The following BNC2 variants were observed in gnomAD, a reference collection of about 807,000 sequenced individuals.
BNC2 encodes the protein zinc finger protein basonuclin-2.
BNC2 carries 20 observed loss-of-function variants against 76.3 expected under a neutral mutation model. The observed-to-expected ratio is 0.26, with a 90% CI of 0.18 to 0.38. The LOEUF is 0.38. BNC2 is among the 10% of genes least tolerant of loss of function. The probability of loss-of-function intolerance (pLI) is 1.00; values close to 1 mark genes in which losing one functional copy is unlikely to be tolerated. For synonymous variants in BNC2, 582 were observed against 514.8 expected, an observed-to-expected ratio of 1.13 and a Z score of -1.77; for missense variants, 1,382 against 1,399.8, an observed-to-expected ratio of 0.99 and a Z score of 0.20.
chr9:16,419,240 C>T lies in BNC2; in HGVS notation c.3049G>A (p.Ala1017Thr). Residue 1017 changes from alanine (A) to threonine (T), a missense_variant, in exon 7 of 7, where the codon GCT (alanine) becomes ACT (threonine). Physicochemically the swap from Ala to Thr is moderately conservative, Grantham distance 58 (BLOSUM62 0). Coordinates refer to ENST00000380672, the MANE Select transcript of BNC2 (RefSeq NM_017637.6). ...AACATAAGAGATCCTGAAACTTCAG[C>T]CCCTAGGCTGCCAGGGAGGGCAGGG... ...EAPALPGSLG[A>T]EVSGSLMFSS... is the part of the protein sequence containing the mutation. 1.2e-6 allele frequency: 2 copies of T among 1,614,234 alleles called. No homozygotes were observed. The highest frequency in any genetic ancestry group is 1.7e-6 in the Non-Finnish European group (2 of 1,180,056).
chr9:16,853,319 C>T (rs1449380357), intron 1 of BNC2, among the ~76,000 whole-genome samples: 1 of 150,692 alleles, frequency 6.6e-6, no homozygotes, highest in East Asian at 2.0e-4. Context: ...GGTGGAGGAT[C>T]ACCTGAGCCC....
intron 1 of BNC2, among the ~76,000 whole-genome samples, chr9:16,759,359 G>A (rs10962570): frequency 0.46 from 69,215 of 152,024 alleles, 21,145 homozygotes; most frequent in Non-Finnish European, 0.68. Flanking sequence ...TATTAGAGAG[G>A]ACTTTAATGG....
At chr9:16,750,112 T>G (rs73646209) in intron 1 of BNC2, among the ~76,000 whole-genome samples, 7,135 of 152,204 alleles carry the variant, frequency 0.047, 566 homozygotes, top group African/African-American at 0.16. Context: ...AAATTAACAA[T>G]TTAGAGTTTT....
At chr9:16,714,138 C>T (rs908187975) in intron 3 of BNC2, among the ~76,000 whole-genome samples, 1 of 152,138 alleles carries the variant, frequency 6.6e-6, no homozygotes, top group African/African-American at 2.4e-5. Context: ...AAAATGTCTG[C>T]CACCCACTTC....
intron 5 of BNC2, among the ~76,000 whole-genome samples, chr9:16,516,460 T>G (rs951610884): frequency 3.3e-5 from 5 of 152,108 alleles, no homozygotes; most frequent in African/African-American, 1.2e-4. Context: ...CATGAGACCT[T>G]CTATACCAAC....
At chr9:16,527,273 G>C (rs1044010584) in intron 5 of BNC2, among the ~76,000 whole-genome samples, 1 of 152,258 alleles carries the variant, frequency 6.6e-6, no homozygotes, top group Middle Eastern at 3.4e-3. Flanking sequence ...AACATCAGAG[G>C]ATGATGATGA....
At chr9:16,770,878 G>C (rs1825815483) in intron 1 of BNC2, among the ~76,000 whole-genome samples, 1 of 151,868 alleles carries the variant, frequency 6.6e-6, no homozygotes, top group South Asian at 2.1e-4. Context: ...GTCACAAAAA[G>C]AAAAGAAAAG....
At chr9:16,835,413 A>G (rs2136052330) in intron 1 of BNC2, among the ~76,000 whole-genome samples, 1 of 152,316 alleles carries the variant, frequency 6.6e-6, no homozygotes, top group African/African-American at 2.4e-5. Flanking sequence ...AAAATTGTGT[A>G]CTTGGCCAGG....
chr9:16,758,781 T>A (rs930659498), intron 1 of BNC2, among the ~76,000 whole-genome samples: 1 of 152,336 alleles, frequency 6.6e-6, no homozygotes, highest in South Asian at 2.1e-4. Context: ...AATTATCTGG[T>A]ATTTAAAAAT....
intron 3 of BNC2, among the ~76,000 whole-genome samples, chr9:16,698,635 G>A (rs1260610349): frequency 6.6e-6 from 1 of 151,976 alleles, no homozygotes; most frequent in East Asian, 1.9e-4. Flanking sequence ...CAGAGGTTGC[G>A]GTGAGCCAAG....
intron 3 of BNC2, among the ~76,000 whole-genome samples, chr9:16,604,615 G>C (rs1172028035): frequency 1.3e-5 from 2 of 152,022 alleles, no homozygotes; most frequent in Non-Finnish European, 2.9e-5. Flanking sequence ...TGGCCAACAT[G>C]GCAAAACCGC....
chr9:16,460,429 C>A (rs937108109), intron 5 of BNC2, among the ~76,000 whole-genome samples: 4 of 152,084 alleles, frequency 2.6e-5, no homozygotes, highest in Non-Finnish European at 5.9e-5. Flanking sequence ...TCGAGACCAG[C>A]CTGGCCAACA....
intron 3 of BNC2, among the ~76,000 whole-genome samples, chr9:16,662,776 GA>G (rs1490998395): frequency 1.3e-5 from 2 of 152,040 alleles, no homozygotes; most frequent in Non-Finnish European, 2.9e-5. Context: ...ACCTAAAACA[GA>G]AAAAGGAATG....
chr9:16,726,083 T>C (rs1563916439), intron 3 of BNC2, among the ~76,000 whole-genome samples: 1 of 152,028 alleles, frequency 6.6e-6, no homozygotes, highest in Non-Finnish European at 1.5e-5. Context: ...GCACAAGTTA[T>C]TTGGTACTAA....
At chr9:16,584,591 T>G (rs1250051484) in intron 3 of BNC2, among the ~76,000 whole-genome samples, 1 of 152,198 alleles carries the variant, frequency 6.6e-6, no homozygotes, top group East Asian at 1.9e-4. Context: ...TCCCTGATAT[T>G]TCAGGATCTC....
At chr9:16,765,795 T>C (rs939588076) in intron 1 of BNC2, among the ~76,000 whole-genome samples, 2 of 151,804 alleles carry the variant, frequency 1.3e-5, no homozygotes, top group African/African-American at 2.4e-5. Flanking sequence ...TTTTTTTTTT[T>C]TTTTTTTCTG....
rs187522967 is a variant in BNC2, at chr9:16,845,549, A to C, written c.3+25097T>G. ...ATCCTGGCTAACACAGTGAAACCCCATCTCTACTAAAAATACAAAAAATTA... is the reference window on the plus strand; with the variant it reads ...ATCCTGGCTAACACAGTGAAACCCCCTCTCTACTAAAAATACAAAAAATTA... On this transcript the variant is annotated intron_variant, in intron 1 of 6. Transcript: ENST00000380672. Among the ~76,000 whole-genome samples the C allele has an allele frequency of 1.2e-3, 185 of 150,364 alleles. 2 individuals are homozygous for C. The East Asian group carries it at 0.02, about 17-fold the overall frequency.
intron 4 of BNC2, among the ~76,000 whole-genome samples, chr9:16,575,851 C>T (rs762776062): frequency 6.6e-6 from 1 of 152,200 alleles, no homozygotes; most frequent in East Asian, 1.9e-4. Flanking sequence ...GCTGTTTTCC[C>T]TGAGCAAAAG....
chr9:16,733,918 C>T (rs1351470456), intron 2 of BNC2, among the ~76,000 whole-genome samples: 1 of 152,042 alleles, frequency 6.6e-6, no homozygotes, highest in Non-Finnish European at 1.5e-5. Flanking sequence ...TGATTTACAC[C>T]TAAGTCCCTG....
Sources: allele counts gnomAD v4.1 joint callset (sites outside exome capture counted in the v4.1 genomes callset), GRCh38; gene constraint gnomAD v4.1.1; transcripts MANE v1.5; gene names NCBI Gene and HGNC (gene_info 2026-07-23, HGNC 2026-07-21).